MEIOSIN: variants seen among roughly 807,000 people sequenced by gnomAD.
MEIOSIN encodes the protein meiosis initiator protein.
Under a neutral mutation model 23.4 loss-of-function variants are expected in MEIOSIN, and 18 were observed. That is an observed-to-expected ratio of 0.77 (90% CI 0.53 to 1.14). The LOEUF is 1.14. Ranked by LOEUF, MEIOSIN falls within the 50% of genes most tolerant of loss-of-function variation. MEIOSIN has a pLI of 0.00. For synonymous variants in MEIOSIN, 187 were observed against 100.6 expected, an observed-to-expected ratio of 1.86 and a Z score of -5.14; for missense variants, 428 against 242.9, an observed-to-expected ratio of 1.76 and a Z score of -5.07.
Position 45,736,642 on chromosome 19 carries a change from C to G in MEIOSIN, c.71+1195C>G, listed in dbSNP as rs1297771263. On this transcript the variant is annotated intron_variant, in intron 2 of 14. Transcript: ENST00000457052. ...GGAGTGCAGTGGCGTCATCTGGGCT[C>G]ACTGCAAGCTCAACCTCCCGGATTC... Among the ~76,000 whole-genome samples the G allele has an allele frequency of 3.3e-5, 5 of 152,290 alleles. No homozygotes were observed. The East Asian group carries it at 9.6e-4, about 29-fold the overall frequency.
chr19:45,749,434 G>A (rs1188771767), intron 4 of MEIOSIN, among the ~76,000 whole-genome samples: 1 of 150,426 alleles, frequency 6.6e-6, no homozygotes, highest in Non-Finnish European at 1.5e-5. Flanking sequence ...CCAGCATTTT[G>A]GGAGGCTGAG....
Position 45,753,717 on chromosome 19 carries a change from C to T in MEIOSIN, c.485C>T (p.Pro162Leu), listed in dbSNP as rs1273101741. 1.4e-6 allele frequency: 1 copy of T among 702,956 alleles called. No individual in the cohort carries two copies. The highest frequency in any genetic ancestry group is 2.7e-5 in the East Asian group (1 of 37,282). 43.5% of individuals were successfully genotyped at this position (702,956 alleles called of 1,614,324 possible). Residue 162 changes from proline (P) to leucine (L), a missense_variant, in exon 6 of 15, where the codon CCA becomes CTA. By Grantham distance (98) the Pro-to-Leu change is moderately conservative. Transcript: ENST00000457052. ...AGACACTCTACCCCCTCCAGCTCCC[C>T]AAGCTCTCAGAAGTCCTGTCTCCAG... Reference protein sequence around the residue: ...RRRHSTPSSSPSSQKSCLQGA... With the variant: ...RRRHSTPSSSLSSQKSCLQGA...
intron 7 of MEIOSIN, among the ~76,000 whole-genome samples, chr19:45,755,294 C>G (rs530181506): frequency 9.9e-5 from 15 of 151,434 alleles, no homozygotes; most frequent in South Asian, 2.1e-4. Flanking sequence ...GGATTACAGG[C>G]GCGCACCACC....
intron 2 of MEIOSIN, among the ~76,000 whole-genome samples, 166 bp from the exon 3 acceptor site, chr19:45,739,460 G>A (rs1396218467): frequency 6.6e-6 from 1 of 152,042 alleles, no homozygotes; most frequent in East Asian, 1.9e-4. Context: ...GCTGCAGGTT[G>A]TCCCTTTGGA....
chr19:45,741,668 G>A (rs926261019), intron 3 of MEIOSIN, among the ~76,000 whole-genome samples: 3 of 151,132 alleles, frequency 2.0e-5, no homozygotes, highest in African/African-American at 7.3e-5. Context: ...CCAAGAGCCT[G>A]CCACTGCACT....
At chr19:45,748,146 C>G (rs1243296765) in intron 4 of MEIOSIN, among the ~76,000 whole-genome samples, 1 of 151,704 alleles carries the variant, frequency 6.6e-6, no homozygotes, top group African/African-American at 2.4e-5. Flanking sequence ...GGCACCATCT[C>G]GGCTCACTGC....
chr19:45,734,794 T>C (rs577806054), intron 1 of MEIOSIN, among the ~76,000 whole-genome samples: 1 of 148,802 alleles, frequency 6.7e-6, no homozygotes, highest in African/African-American at 2.5e-5. Context: ...CGTGAGCCAC[T>C]GTACCTGGCT....
At chr19:45,754,394 A>G (rs1188252748) in intron 6 of MEIOSIN, 85 bp from the exon 7 acceptor site, 3 of 631,474 alleles carry the variant, frequency 4.8e-6, no homozygotes, top group East Asian at 2.7e-5. Flanking sequence ...TGACACTGAC[A>G]AGGATGTTTC....
At chr19:45,749,628 C>A (rs1300487717) in intron 4 of MEIOSIN, among the ~76,000 whole-genome samples, 4 of 136,274 alleles carry the variant, frequency 2.9e-5, no homozygotes, top group South Asian at 2.4e-4. Flanking sequence ...GCCAAGATTG[C>A]GCCACTGCAC....
chr19:45,739,953 T>C, intron 3 of MEIOSIN, among the ~76,000 whole-genome samples: 1 of 152,092 alleles, frequency 6.6e-6, no homozygotes, highest in East Asian at 1.9e-4. Context: ...GTTTAAGTGA[T>C]TCTCCTGCCT....
intron 8 of MEIOSIN, 118 bp from the exon 9 acceptor site, chr19:45,757,059 G>A: frequency 1.6e-6 from 1 of 608,604 alleles, no homozygotes; most frequent in Non-Finnish European, 3.0e-6. Context: ...AGCCTCGACT[G>A]ACTGAGCTTT....
chr19:45,748,081 CT>C (rs775719188), intron 4 of MEIOSIN, among the ~76,000 whole-genome samples: 3,354 of 144,118 alleles, frequency 0.023, 109 homozygotes, highest in African/African-American at 0.078. Flanking sequence ...AAGACCCTGT[CT>C]TTTTTTTTTT....
intron 4 of MEIOSIN, among the ~76,000 whole-genome samples, chr19:45,749,695 C>CAAAAA (rs1220005971): frequency 2.8e-5 from 2 of 72,334 alleles, no homozygotes; most frequent in African/African-American, 4.9e-5. Flanking sequence ...AAAAAAAGCG[C>CAAAAA]AAAAAAAAAA....
chr19:45,737,819 G>A (rs1379361839), intron 2 of MEIOSIN, among the ~76,000 whole-genome samples: 8 of 151,874 alleles, frequency 5.3e-5, no homozygotes, highest in African/African-American at 1.9e-4. Flanking sequence ...CTACTTGGGA[G>A]GCTGAGACAG....
intron 4 of MEIOSIN, among the ~76,000 whole-genome samples, chr19:45,749,309 T>C (rs1341137317): frequency 7.3e-6 from 1 of 136,286 alleles, no homozygotes; most frequent in Admixed American, 7.6e-5. Flanking sequence ...GAGGTGGAGG[T>C]TGAAGTGAGC....
In MEIOSIN at chr19:45,745,255, CAAG is replaced by C. The variant is rs1968571287; in HGVS notation, c.241_243del (p.Lys81del). 1 of 702,876 alleles carries C rather than the reference CAAG, an allele frequency of 1.4e-6. No homozygotes were observed. The highest frequency in any genetic ancestry group is 2.6e-6 in the Non-Finnish European group (1 of 385,034). 43.5% of individuals were successfully genotyped at this position (702,876 alleles called of 1,614,324 possible). A position where few individuals can be genotyped will look rare whatever the true frequency, so the allele number is the denominator to read the frequency against. ...AGAAGCAGAGGAAAAACCACACTAGCAAGCTGCAAGAGTTGGCACTGCTGCTGC... is the reference window on the plus strand; with the variant it reads ...AGAAGCAGAGGAAAAACCACACTAGCCTGCAAGAGTTGGCACTGCTGCTGC... On this transcript the variant is annotated inframe_deletion, in exon 4 of 15. Coordinates refer to ENST00000457052, the MANE Select transcript of MEIOSIN (RefSeq NM_001310124.2).
chr19:45,742,835 C>A (rs555442684), intron 3 of MEIOSIN, among the ~76,000 whole-genome samples: 10 of 152,174 alleles, frequency 6.6e-5, no homozygotes, highest in African/African-American at 2.4e-4. Flanking sequence ...CAACAACAAC[C>A]AGGGCAACAG....
Position 45,761,836 on chromosome 19 carries a change from GCGACTCGGAGCC to G in MEIOSIN, c.1405_1416del (p.Asp469_Pro472del). 3 of 593,514 alleles carry G rather than the reference GCGACTCGGAGCC, an allele frequency of 5.1e-6. No individual in the cohort carries two copies. Among genetic ancestry groups the G allele is most frequent in the Non-Finnish European group, 9.0e-6 (3 of 333,554 alleles). 36.8% of individuals were successfully genotyped at this position (593,514 alleles called of 1,614,324 possible). ...AGCTCCAGCTCCAGCTCGGAGGACA[GCGACTCGGAGCC>G]CCTGTGGAAGCAGCGAGAGGTGAGA... is the stretch of plus-strand genomic sequence containing the variant. On this transcript the variant is annotated inframe_deletion, in exon 12 of 15. Transcript: ENST00000457052.
chr19:45,763,462 G>T, intron 14 of MEIOSIN, 35 bp downstream of exon 14: 1 of 398,690 alleles, frequency 2.5e-6, no homozygotes, highest in East Asian at 3.6e-5. Context: ...TGGGTGGGGG[G>T]TGGAAGAGCC....
Sources: gnomAD v4.1 joint callset for allele counts (sites outside exome capture counted in the v4.1 genomes callset) on GRCh38, gnomAD v4.1.1 for gene constraint, MANE v1.5 for transcripts, NCBI Gene and HGNC (gene_info 2026-07-23, HGNC 2026-07-21) for gene names.